The following IGSF5 variants were observed in gnomAD, a reference collection of about 807,000 sequenced individuals.
IGSF5 encodes immunoglobulin superfamily 5 like.
In IGSF5, 41 loss-of-function variants were observed where a neutral mutation model predicts 39.4. That is an observed-to-expected ratio of 1.04 (90% confidence interval 0.81 to 1.35). The LOEUF is 1.35. Among genes scored for constraint, IGSF5 ranks in the 40% most tolerant of loss-of-function variants. The pLI is 0.00. For synonymous variants in IGSF5, 183 were observed against 175.3 expected (o/e 1.04, Z -0.34); for missense variants, 487 against 494.6 (o/e 0.98, Z 0.15).
At chr21:39,770,847 A>AG (rs1569253303) in intron 3 of IGSF5, 69 bp from the exon 4 acceptor site, 30 of 1,185,668 alleles carry the variant, frequency 2.5e-5, no homozygotes, top group Non-Finnish European at 3.2e-5. Context: ...AAAAAGAAAA[A>AG]AAAAAAGAAA....
chr21:39,745,521 G>A lies in IGSF5; in HGVS notation c.12G>A (p.Lys4=), dbSNP rs976596745. The change falls in exon 1 of 9, where the codon AAG becomes AAA. Residue 4 remains lysine (K), a synonymous_variant. Coordinates refer to ENST00000380588, the MANE Select transcript of IGSF5 (RefSeq NM_001080444.2). MGQ[K]ERSTADTLPD... is the part of the protein sequence containing the mutation. ...GGGACCCAGGAGGTATGGGTCAGAA[G>A]GAAAGGTAAGGGCGCATGCGTGGGC... The A allele has an allele frequency of 5.6e-6, 4 of 717,002 alleles. No homozygotes were observed. The East Asian group carries it at 8.0e-5, about 14-fold the overall frequency. 44.4% of individuals were successfully genotyped at this position (717,002 alleles called of 1,614,324 possible).
intron 2 of IGSF5, among the ~76,000 whole-genome samples, chr21:39,760,655 C>T (rs2080056888): frequency 6.6e-6 from 1 of 152,104 alleles, no homozygotes; most frequent in African/African-American, 2.4e-5. Flanking sequence ...ACTGCAACCT[C>T]CGCCTCACAT....
chr21:39,792,161 C>A, intron 7 of IGSF5, 62 bp downstream of exon 7: 2 of 1,119,278 alleles, frequency 1.8e-6, no homozygotes, highest in Non-Finnish European at 2.6e-6. Context: ...GAAGGGCTGG[C>A]TTGCTAGATA....
chr21:39,739,054 A>G, the IGSF5 span, among the ~76,000 whole-genome samples: 1 of 151,786 alleles, frequency 6.6e-6, no homozygotes, highest in Admixed American at 6.6e-5. Context: ...ACGCCCAGCT[A>G]ATTTTTGTAT....
chr21:39,792,176 C>A, intron 7 of IGSF5, 77 bp downstream of exon 7: 1 of 920,520 alleles, frequency 1.1e-6, no homozygotes, highest in Non-Finnish European at 1.7e-6. Context: ...TAGATACCAG[C>A]TGCACAGGGA....
chr21:39,765,106 T>C (rs2080079604), intron 2 of IGSF5, among the ~76,000 whole-genome samples: 4 of 152,208 alleles, frequency 2.6e-5, no homozygotes, highest in African/African-American at 9.7e-5. Flanking sequence ...GATGTTCTTC[T>C]CTGCAGGCCT....
rs201807214 is a variant in IGSF5, at chr21:39,801,322, A to G, written c.1189A>G (p.Ser397Gly). 1.0e-4 allele frequency: 169 copies of G among 1,613,992 alleles called. No individual in the cohort carries two copies. The highest frequency in any genetic ancestry group is 1.6e-4 in the Middle Eastern group (1 of 6,084). The change falls in exon 9 of 9, where the codon AGT (serine) becomes GGT (glycine). Residue 397 changes from serine (S) to glycine (G), a missense_variant. Transcript: ENST00000380588. ...TCCACAGGCTTCTTTTAATCTGGCC[A>G]GTCCTGAGAAGGTCAGTAATACAAC... ...SHPQASFNLA[S>G]PEKVSNTTVV
At chr21:39,773,615 C>G (rs1490498547) in intron 4 of IGSF5, among the ~76,000 whole-genome samples, 58 of 152,164 alleles carry the variant, frequency 3.8e-4, no homozygotes, top group Non-Finnish European at 1.5e-4. Context: ...GTGCTGGTGT[C>G]CTTCCGACAT....
upstream of IGSF5, among the ~76,000 whole-genome samples, chr21:39,745,021 C>A (rs1434330552): frequency 6.6e-6 from 1 of 151,898 alleles, no homozygotes; most frequent in African/African-American, 2.4e-5. Flanking sequence ...TTATGGGTTT[C>A]AAATTTACCC....
At chr21:39,739,746 G>A in the IGSF5 span, among the ~76,000 whole-genome samples, 16 of 152,250 alleles carry the variant, frequency 1.1e-4, 1 homozygote, top group African/African-American at 3.9e-4. Context: ...ATTGGAGCAT[G>A]GGCTGTCAGG....
At chr21:39,716,650 CATCT>C in the IGSF5 span, among the ~76,000 whole-genome samples, 14 of 152,198 alleles carry the variant, frequency 9.2e-5, no homozygotes, top group Admixed American at 8.5e-4. Context: ...CCTCCAGCTC[CATCT>C]GTGTTCCAGC....
chr21:39,742,385 G>C (rs561381086), upstream of IGSF5, among the ~76,000 whole-genome samples: 19 of 152,334 alleles, frequency 1.2e-4, no homozygotes, highest in African/African-American at 4.1e-4. Flanking sequence ...ACAGTTGTCC[G>C]GGACAGGAGA....
In IGSF5 at chr21:39,792,097, C is replaced by T. The variant is rs773536000; in HGVS notation, c.1046C>T (p.Thr349Ile). The T allele has an allele frequency of 6.2e-7, 1 of 1,602,422 alleles. No individual in the cohort carries two copies. ...TACAATTCAGATGAACAAAAGACCACAGGTGAGTAGACAAGAGGGGTGGTG... is the reference window on the plus strand; with the variant it reads ...TACAATTCAGATGAACAAAAGACCATAGGTGAGTAGACAAGAGGGGTGGTG... ...SGYNSDEQKT[T>I]DTASLPPKSC... The change falls in exon 7 of 9, where the codon ACA (threonine) becomes ATA (isoleucine). Residue 349 changes from threonine (T) to isoleucine (I), a missense_variant and splice_region_variant. By Grantham distance (89) the Thr-to-Ile change is moderately conservative. Coordinates refer to ENST00000380588, the MANE Select transcript of IGSF5 (RefSeq NM_001080444.2).
intron 2 of IGSF5, among the ~76,000 whole-genome samples, chr21:39,750,294 C>A (rs776979122): frequency 6.6e-6 from 1 of 152,144 alleles, no homozygotes; most frequent in Non-Finnish European, 1.5e-5. Flanking sequence ...CTATTACATG[C>A]AGAAATCCTT....
chr21:39,773,083 A>T (rs913272034), intron 4 of IGSF5, among the ~76,000 whole-genome samples: 1 of 152,120 alleles, frequency 6.6e-6, no homozygotes, highest in Non-Finnish European at 1.5e-5. Flanking sequence ...CTATGTACTA[A>T]GCCTAGTACC....
Position 39,765,582 on chromosome 21 carries a change from G to A in IGSF5, c.148G>A (p.Val50Ile). ...CATAGAAGGCCCCCAAAATGCAAGA[G>A]TCCTGAAGGGCTCCCAGGCTCGCTT... Reference protein sequence around the residue: ...EVIEGPQNARVLKGSQARFNC... With the variant: ...EVIEGPQNARILKGSQARFNC... Residue 50 changes from valine to isoleucine, a missense_variant, in exon 3 of 9, where the codon GTC becomes ATC. Physicochemically the swap from Val to Ile is conservative, Grantham distance 29 (BLOSUM62 3). Coordinates refer to ENST00000380588, the MANE Select transcript of IGSF5 (RefSeq NM_001080444.2). 6.2e-7 allele frequency: 1 copy of A among 1,614,170 alleles called. No homozygotes were observed. The highest frequency in any genetic ancestry group is 8.5e-7 in the Non-Finnish European group (1 of 1,180,024).
intron 6 of IGSF5, among the ~76,000 whole-genome samples, chr21:39,789,918 T>C (rs2837222): frequency 0.056 from 8,489 of 152,286 alleles, 765 homozygotes; most frequent in African/African-American, 0.19. Flanking sequence ...AGCATTTTTG[T>C]AGTATTTGTT....
the IGSF5 span, among the ~76,000 whole-genome samples, chr21:39,720,000 T>C: frequency 6.6e-6 from 1 of 152,234 alleles, no homozygotes; most frequent in African/African-American, 2.4e-5. Flanking sequence ...ATAACCTTTT[T>C]CCTTTAGAAT....
At chr21:39,751,902 T>A (rs935927550) in intron 2 of IGSF5, among the ~76,000 whole-genome samples, 1 of 152,016 alleles carries the variant, frequency 6.6e-6, no homozygotes, top group Non-Finnish European at 1.5e-5. Flanking sequence ...AGAGCTGGAG[T>A]CTTCCGAGTG....
Sources: gnomAD v4.1 joint callset for allele counts (sites outside exome capture counted in the v4.1 genomes callset) on GRCh38, gnomAD v4.1.1 for gene constraint, MANE v1.5 for transcripts, NCBI Gene and HGNC (gene_info 2026-07-23, HGNC 2026-07-21) for gene names.